SUSD4: variants seen among roughly 807,000 people sequenced by gnomAD.
SUSD4 encodes sushi domain-containing protein 4.
Under a neutral mutation model 50.5 loss-of-function variants are expected in SUSD4, and 41 were observed. That is an observed-to-expected ratio of 0.81 (90% CI 0.63 to 1.05). The LOEUF is 1.05. Ranked by LOEUF, SUSD4 falls within the 50% of genes least tolerant of loss-of-function variation. The pLI is 0.00. For synonymous variants in SUSD4, 257 were observed against 257.3 expected, an observed-to-expected ratio of 1.00 and a Z score of 0.01; for missense variants, 580 against 634.7, an observed-to-expected ratio of 0.91 and a Z score of 0.93.
chr1:223,321,744 T>C (rs769464554), intron 2 of SUSD4, among the ~76,000 whole-genome samples: 50 of 152,310 alleles, frequency 3.3e-4, no homozygotes, highest in Non-Finnish European at 5.7e-4. Context: ...TTTAAATGCA[T>C]AAAATAAAAA....
chr1:223,358,246 A>AGATGGATG (rs143723639), intron 2 of SUSD4, among the ~76,000 whole-genome samples: 26 of 152,132 alleles, frequency 1.7e-4, no homozygotes, highest in African/African-American at 5.5e-4. Context: ...CACTGGAAAA[A>AGATGGATG]GATGGATGGA....
At chr1:223,235,620 A>G (rs1380729025) in intron 5 of SUSD4, among the ~76,000 whole-genome samples, 1 of 151,102 alleles carries the variant, frequency 6.6e-6, no homozygotes, top group Non-Finnish European at 1.5e-5. Flanking sequence ...GACAGTATAT[A>G]GCCCTTTGAG....
At chr1:223,262,971 A>C (rs777532477) in intron 5 of SUSD4, among the ~76,000 whole-genome samples, 58 of 152,308 alleles carry the variant, frequency 3.8e-4, no homozygotes, top group Non-Finnish European at 7.1e-4. Context: ...TTTTAACCTT[A>C]GATTTTGTTT....
At chr1:223,336,411 A>G (rs998820784) in intron 2 of SUSD4, among the ~76,000 whole-genome samples, 2 of 152,266 alleles carry the variant, frequency 1.3e-5, no homozygotes, top group African/African-American at 4.8e-5. Context: ...ATCAAAAAAT[A>G]TCAGTATAAG....
chr1:223,299,940 C>CTA (rs937623746), intron 2 of SUSD4, among the ~76,000 whole-genome samples: 1 of 152,192 alleles, frequency 6.6e-6, no homozygotes, highest in African/African-American at 2.4e-5. Context: ...TCTATCTGTC[C>CTA]TCCTGCTGGT....
At chr1:223,307,892 G>A (rs547853313) in intron 2 of SUSD4, among the ~76,000 whole-genome samples, 7 of 152,068 alleles carry the variant, frequency 4.6e-5, no homozygotes, top group Non-Finnish European at 1.0e-4. Context: ...AATTTATCAT[G>A]AAAAACTTTC....
chr1:223,331,777 G>A (rs1343918675), intron 2 of SUSD4, among the ~76,000 whole-genome samples: 1 of 152,168 alleles, frequency 6.6e-6, no homozygotes, highest in African/African-American at 2.4e-5. Flanking sequence ...CAAGGCTCAA[G>A]GCTGCACCCC....
At chr1:223,264,499 GAA>G (rs1662341197) in intron 5 of SUSD4, 129 bp downstream of exon 5, 1 of 1,437,174 alleles carries the variant, frequency 7.0e-7, no homozygotes, top group Non-Finnish European at 9.1e-7. Context: ...CTGCTCTGGA[GAA>G]AAGTGAGAAA....
At chr1:223,312,902 G>A (rs1174680758) in intron 2 of SUSD4, among the ~76,000 whole-genome samples, 1 of 152,146 alleles carries the variant, frequency 6.6e-6, no homozygotes, top group Non-Finnish European at 1.5e-5. Context: ...ACAAGTCATG[G>A]CAACTTGCTG....
intron 2 of SUSD4, among the ~76,000 whole-genome samples, chr1:223,297,102 C>CTACA (rs1558226578): frequency 6.6e-6 from 1 of 152,176 alleles, no homozygotes; most frequent in Non-Finnish European, 1.5e-5. Context: ...CATTGGTCAA[C>CTACA]TACATAAAGA....
intron 2 of SUSD4, among the ~76,000 whole-genome samples, chr1:223,349,166 A>C (rs561141239): frequency 6.6e-6 from 1 of 152,344 alleles, no homozygotes; most frequent in South Asian, 2.1e-4. Context: ...TTTTAACTTT[A>C]AATATCAGAG....
intron 3 of SUSD4, chr1:223,289,292 G>A (rs937533056): frequency 6.1e-6 from 6 of 985,280 alleles, no homozygotes; most frequent in Non-Finnish European, 7.2e-6. Context: ...AAGAAGCACA[G>A]ACATCTCTGA....
rs1296313446 is a variant in SUSD4, at chr1:223,292,457, A to G, written c.343T>C (p.Ser115Pro). ...ACTTTACCTTCTTGCACACAGATGG[A>G]ATTATCACTTGGGATCCAGCCTAGG... ...GTLGWIPSDN[S>P]ICVQEDCRIP... The change falls in exon 3 of 9, where the codon TCC (serine) becomes CCC (proline). Residue 115 changes from serine to proline, a missense_variant. By Grantham distance (74) the Ser-to-Pro change is moderately conservative. Coordinates refer to ENST00000366878, the MANE Select transcript of SUSD4 (RefSeq NM_017982.4). The G allele has an allele frequency of 6.2e-7, 1 of 1,614,140 alleles. No individual in the cohort carries two copies. Among genetic ancestry groups the G allele is most frequent in the South Asian group, 1.1e-5 (1 of 91,084 alleles).
At chr1:223,361,355 G>A (rs141127746) in intron 2 of SUSD4, among the ~76,000 whole-genome samples, 91 of 152,194 alleles carry the variant, frequency 6.0e-4, no homozygotes, top group Non-Finnish European at 9.0e-4. Flanking sequence ...AAAGTGAAAC[G>A]CAGCTGATGG....
At chr1:223,303,879 A>T (rs950272287) in intron 2 of SUSD4, among the ~76,000 whole-genome samples, 1 of 152,204 alleles carries the variant, frequency 6.6e-6, no homozygotes, top group African/African-American at 2.4e-5. Context: ...TGCATCAGTA[A>T]TTTCTAACAG....
intron 2 of SUSD4, among the ~76,000 whole-genome samples, chr1:223,299,436 G>C (rs532240577): frequency 4.5e-4 from 69 of 152,292 alleles, no homozygotes; most frequent in African/African-American, 1.5e-3. Flanking sequence ...TTTGTTTTTG[G>C]GGGGAGTGGG....
intron 2 of SUSD4, among the ~76,000 whole-genome samples, chr1:223,356,079 T>C (rs1668648207): frequency 6.6e-6 from 1 of 152,198 alleles, no homozygotes; most frequent in Admixed American, 6.5e-5. Flanking sequence ...ACTTCTCTGA[T>C]GTTCCCAGTT....
intron 5 of SUSD4, among the ~76,000 whole-genome samples, chr1:223,249,766 C>T (rs1661180321): frequency 6.6e-6 from 1 of 152,018 alleles, no homozygotes; most frequent in African/African-American, 2.4e-5. Flanking sequence ...TAGTGTTCTG[C>T]AAAAAACATA....
chr1:223,314,710 G>A (rs896107385), intron 2 of SUSD4, among the ~76,000 whole-genome samples: 4 of 151,974 alleles, frequency 2.6e-5, no homozygotes, highest in African/African-American at 7.2e-5. Flanking sequence ...TTCCTTGCAC[G>A]AGCTCTCTTC....
Sources: gnomAD v4.1 joint callset for allele counts (sites outside exome capture counted in the v4.1 genomes callset) on GRCh38, gnomAD v4.1.1 for gene constraint, MANE v1.5 for transcripts, NCBI Gene and HGNC (gene_info 2026-07-23, HGNC 2026-07-21) for gene names.